MTAP: variants seen among roughly 807,000 people sequenced by gnomAD.
The protein encoded by MTAP is S-methyl-5'-thioadenosine phosphorylase.
MTAP carries 33 observed loss-of-function variants against 33.6 expected under a neutral mutation model. The observed-to-expected ratio is 0.98, with a 90% confidence interval of 0.74 to 1.31. The LOEUF is 1.31. Among genes scored for constraint, MTAP ranks in the 40% most tolerant of loss-of-function variants. MTAP has a pLI of 0.00. For missense variants in MTAP, 367 were observed against 360.0 expected (o/e 1.02, Z -0.16); for synonymous variants, 148 against 125.7 (o/e 1.18, Z -1.19).
intron 1 of MTAP, among the ~76,000 whole-genome samples, chr9:21,875,421 C>T (rs201682030): frequency 1.2e-4 from 18 of 152,000 alleles, no homozygotes; most frequent in Non-Finnish European, 1.8e-4. Flanking sequence ...TCATATCCTT[C>T]GCCCACTTTT....
chr9:21,896,014 A>C (rs1818285960), intron 1 of MTAP, among the ~76,000 whole-genome samples: 1 of 152,198 alleles, frequency 6.6e-6, no homozygotes, highest in African/African-American at 2.4e-5. Context: ...GTTGGAAGTA[A>C]AGCACTCCTC....
Position 21,918,852 on chromosome 9 carries a change from G to A in MTAP, c.148-12156G>A, listed in dbSNP as rs141827513. ...AGGCCTCTTCAACCATGTGAACTGT[G>A]AGTCAATTAACTCTTCCCTTTATAA... is the stretch of plus-strand genomic sequence containing the variant. On this transcript the variant is annotated intron_variant, in intron 1 of 1. Transcript: ENST00000577563. Among the ~76,000 whole-genome samples the A allele has an allele frequency of 1.0e-2, 1,407 of 141,302 alleles. 10 individuals carry two copies. Among genetic ancestry groups the A allele is most frequent in the African/African-American group, 0.043 (1,340 of 30,970 alleles). 92.7% of individuals were successfully genotyped at this position (141,302 alleles called of 152,430 possible).
chr9:21,869,210 G>T (rs1825899034), downstream of MTAP, among the ~76,000 whole-genome samples: 1 of 151,928 alleles, frequency 6.6e-6, no homozygotes, highest in African/African-American at 2.4e-5. Flanking sequence ...TGTTTCTCCT[G>T]CCTCCAATTC....
At chr9:21,915,201 G>C (rs942447237) in intron 1 of MTAP, among the ~76,000 whole-genome samples, 3 of 151,424 alleles carry the variant, frequency 2.0e-5, no homozygotes, top group African/African-American at 7.3e-5. Flanking sequence ...CCATTCTCCT[G>C]CCTCAGCCTC....
intron 4 of MTAP, among the ~76,000 whole-genome samples, chr9:21,819,414 C>G (rs200669035): frequency 6.6e-6 from 1 of 152,072 alleles, no homozygotes; most frequent in East Asian, 1.9e-4. Flanking sequence ...TCTTGGGATA[C>G]TTTGCTGAGA....
At chr9:21,832,196 G>A (rs1372731997) in intron 4 of MTAP, among the ~76,000 whole-genome samples, 4 of 152,220 alleles carry the variant, frequency 2.6e-5, no homozygotes, top group Non-Finnish European at 5.9e-5. Flanking sequence ...TAAACACAGT[G>A]CTGAGGGATC....
At chr9:21,919,802 A>T (rs1226726424) in intron 1 of MTAP, among the ~76,000 whole-genome samples, 1 of 152,154 alleles carries the variant, frequency 6.6e-6, no homozygotes, top group Non-Finnish European at 1.5e-5. Flanking sequence ...TTTACAGGAA[A>T]TAAGCCAGAG....
Position 21,865,395 on chromosome 9 carries a change from C to T in MTAP, c.*3381C>T. Reference sequence around the variant, plus strand: ...TTAAACCTCTTTCCTTTATAAATTACCCAGTCATGGGCAGTCCTTTACAGC... The same window carrying T: ...TTAAACCTCTTTCCTTTATAAATTATCCAGTCATGGGCAGTCCTTTACAGC... On this transcript the variant is annotated 3_prime_UTR_variant, in exon 8 of 8. Coordinates refer to ENST00000644715, the MANE Select transcript of MTAP (RefSeq NM_002451.4). The T allele has an allele frequency of 2.1e-6, 2 of 961,856 alleles. No individual in the cohort carries two copies. The highest frequency in any genetic ancestry group is 4.8e-5 in the South Asian group (1 of 20,786). The allele number at this position is 961,856 out of a possible 1,614,324, so 59.6% of individuals were successfully genotyped here. A position where few individuals can be genotyped will look rare whatever the true frequency, so the allele number is the denominator to read the frequency against.
chr9:21,929,132 C>T (rs776423580), intron 1 of MTAP, among the ~76,000 whole-genome samples: 10 of 151,960 alleles, frequency 6.6e-5, no homozygotes, highest in Non-Finnish European at 1.3e-4. Flanking sequence ...ATTAAAGTAC[C>T]AGAGATAGCC....
chr9:21,859,033 C>G, intron 6 of MTAP: 1 of 258,694 alleles, frequency 3.9e-6, no homozygotes, highest in African/African-American at 2.2e-5. Flanking sequence ...TCACTGGAAC[C>G]TCACACGGTG....
chr9:21,805,486 T>C (rs899471689), intron 1 of MTAP, among the ~76,000 whole-genome samples: 5 of 152,194 alleles, frequency 3.3e-5, no homozygotes, highest in Admixed American at 1.3e-4. Flanking sequence ...TAAGATTCCA[T>C]TGGGTGAGGG....
rs150309493 is a variant in MTAP, at chr9:21,916,558, C to T, written c.148-14450C>T. Among the ~76,000 whole-genome samples, 874 of 151,712 alleles carry T rather than the reference C, an allele frequency of 5.8e-3. 1 individual carries two copies. The highest frequency in any genetic ancestry group is 8.9e-3 in the Admixed American group (135 of 15,234). On this transcript the variant is annotated intron_variant, in intron 1 of 1. Coordinates refer to the MTAP transcript ENST00000577563. ...CCAGGAGATGGAGGTTGCAGTGAGCCGAGATCATGCCACTGCACTCCAGCC... is the reference window on the plus strand; with the variant it reads ...CCAGGAGATGGAGGTTGCAGTGAGCTGAGATCATGCCACTGCACTCCAGCC...
intron 4 of MTAP, among the ~76,000 whole-genome samples, chr9:21,832,670 C>A (rs988711610): frequency 2.0e-5 from 3 of 152,292 alleles, no homozygotes; most frequent in Admixed American, 1.3e-4. Flanking sequence ...TTCATTCTTA[C>A]GTTCTGTTCC....
At chr9:21,882,788 A>G (rs934947574) in intron 1 of MTAP, among the ~76,000 whole-genome samples, 1 of 152,082 alleles carries the variant, frequency 6.6e-6, no homozygotes, top group Non-Finnish European at 1.5e-5. Flanking sequence ...ATCACAACAC[A>G]AAATTAATGT....
At chr9:21,855,573 T>G (rs1182958117) in intron 6 of MTAP, among the ~76,000 whole-genome samples, 1 of 151,794 alleles carries the variant, frequency 6.6e-6, no homozygotes, top group African/African-American at 2.4e-5. Context: ...AGGGATGCAA[T>G]ACAGTAGGGC....
At chr9:21,915,055 C>CCTTCCTTCCTTCCTTCCTTT (rs1554649248) in intron 1 of MTAP, among the ~76,000 whole-genome samples, 3 of 25,888 alleles carry the variant, frequency 1.2e-4, no homozygotes, top group African/African-American at 1.7e-4. Context: ...TTCCTTCCTT[C>CCTTCCTTCCTTCCTTCCTTT]CTTTCTTTCT....
At chr9:21,856,913 C>T (rs999179441) in intron 6 of MTAP, among the ~76,000 whole-genome samples, 9 of 152,268 alleles carry the variant, frequency 5.9e-5, no homozygotes, top group African/African-American at 1.7e-4. Flanking sequence ...GAAGCCAGGG[C>T]TCTGGGTGAG....
At chr9:21,924,448 T>C (rs1563872744) in intron 1 of MTAP, among the ~76,000 whole-genome samples, 1 of 152,234 alleles carries the variant, frequency 6.6e-6, no homozygotes, top group Non-Finnish European at 1.5e-5. Context: ...TTTAAATTTT[T>C]AATATGCTCT....
chr9:21,919,910 T>A (rs1818760241), intron 1 of MTAP, among the ~76,000 whole-genome samples: 1 of 152,178 alleles, frequency 6.6e-6, no homozygotes, highest in Non-Finnish European at 1.5e-5. Flanking sequence ...ACACACTCTT[T>A]GAGGCTGAAG....
Sources: gnomAD v4.1 joint callset for allele counts (sites outside exome capture counted in the v4.1 genomes callset) on GRCh38, gnomAD v4.1.1 for gene constraint, MANE v1.5 for transcripts, NCBI Gene and HGNC (gene_info 2026-07-23, HGNC 2026-07-21) for gene names.